PDGFC: variants seen among roughly 807,000 people sequenced by gnomAD.
PDGFC encodes the protein platelet derived growth factor C, also known as platelet-derived growth factor C.
Under a neutral mutation model 35.5 loss-of-function variants are expected in PDGFC, and 12 were observed. The ratio of observed to expected loss-of-function variants is 0.34; its 90% confidence interval spans 0.22 to 0.55. The LOEUF (loss-of-function observed/expected upper bound fraction) is 0.55, where lower values mean the gene tolerates loss of function less well. Among genes scored for constraint, PDGFC ranks in the 20% least tolerant of loss-of-function variants. The probability of loss-of-function intolerance (pLI) is 0.91; values close to 1 mark genes in which losing one functional copy is unlikely to be tolerated. For missense variants in PDGFC, 322 were observed against 412.4 expected (o/e 0.78, Z 1.90); for synonymous variants, 159 against 148.8 (o/e 1.07, Z -0.50).
At chr4:156,855,774 C>G (rs1420964364) in intron 1 of PDGFC, among the ~76,000 whole-genome samples, 3 of 152,136 alleles carry the variant, frequency 2.0e-5, no homozygotes, top group Non-Finnish European at 4.4e-5. Flanking sequence ...ATTTCTGCAT[C>G]TGCTTTCAAT....
intron 3 of PDGFC, among the ~76,000 whole-genome samples, chr4:156,793,798 A>G (rs1044675871): frequency 6.7e-5 from 10 of 149,458 alleles, no homozygotes; most frequent in South Asian, 2.1e-4. Flanking sequence ...AATATATGGC[A>G]GAAATTTTTG....
At chr4:156,783,663 A>G (rs1731039814) in intron 3 of PDGFC, among the ~76,000 whole-genome samples, 1 of 152,098 alleles carries the variant, frequency 6.6e-6, no homozygotes, top group South Asian at 2.1e-4. Context: ...CACTACATCA[A>G]ATTGAAATTG....
At position 156,911,135 on chromosome 4, in the gene PDGFC, A is replaced by C. The variant is rs938525911; in HGVS notation, c.118+59651T>G. On this transcript the variant is annotated intron_variant, in intron 1 of 5. Transcript: ENST00000502773. ...GTTTGCCTAACCCTAGATATTTTCTAAATTTTTATGAGAAGGTTTCATGAG... is the reference window on the plus strand; with the variant it reads ...GTTTGCCTAACCCTAGATATTTTCTCAATTTTTATGAGAAGGTTTCATGAG... Among the ~76,000 whole-genome samples, 4 of 152,158 alleles carry C rather than the reference A, an allele frequency of 2.6e-5. No individual in the cohort carries two copies. In the South Asian group the frequency reaches 8.3e-4, roughly 31 times the overall value.
Position 156,810,990 on chromosome 4 carries a change from G to A in PDGFC, c.342C>T (p.Pro114=), listed in dbSNP as rs1396271791. The change falls in exon 3 of 6, where the codon CCC becomes CCT. Residue 114 remains proline (P), a synonymous_variant. Transcript: ENST00000502773. ...AGCGCCCTAATATAGTTCCATCACT[G>A]GGTTCCTCAACTTCTACAAAATCAT... ...CKYDFVEVEE[P]SDGTILGRWC... is the part of the protein sequence containing the mutation. 8.2e-6 allele frequency: 13 copies of A among 1,586,012 alleles called. No individual in the cohort carries two copies. Among genetic ancestry groups the A allele is most frequent in the Non-Finnish European group, 1.1e-5 (13 of 1,169,024 alleles).
At chr4:156,859,418 T>A (rs1278033886) in intron 1 of PDGFC, among the ~76,000 whole-genome samples, 1 of 152,080 alleles carries the variant, frequency 6.6e-6, no homozygotes, top group Non-Finnish European at 1.5e-5. Context: ...TTAAATAATG[T>A]CAATAAGTGC....
chr4:156,789,976 C>CAA (rs750843965), intron 3 of PDGFC, among the ~76,000 whole-genome samples: 17,465 of 55,368 alleles, frequency 0.32, 2,661 homozygotes, highest in African/African-American at 0.38. Context: ...GTCTCCATCT[C>CAA]AAAAAAAAAA....
At chr4:156,920,231 C>A (rs1244159207) in intron 1 of PDGFC, among the ~76,000 whole-genome samples, 1 of 152,208 alleles carries the variant, frequency 6.6e-6, no homozygotes, top group Non-Finnish European at 1.5e-5. Context: ...TATAGCAACA[C>A]AAAACATACC....
chr4:156,807,448 T>C (rs1345947172), intron 3 of PDGFC, among the ~76,000 whole-genome samples: 4 of 152,036 alleles, frequency 2.6e-5, no homozygotes, highest in African/African-American at 9.7e-5. Flanking sequence ...ATATTTATAA[T>C]AAATATGTAA....
chr4:156,780,659 G>T (rs575089065), intron 3 of PDGFC, among the ~76,000 whole-genome samples: 2 of 152,254 alleles, frequency 1.3e-5, no homozygotes, highest in African/African-American at 4.8e-5. Context: ...AGGGTACAGA[G>T]TTATTTACTT....
chr4:156,885,775 C>T (rs911157137), intron 1 of PDGFC, among the ~76,000 whole-genome samples: 1 of 152,014 alleles, frequency 6.6e-6, no homozygotes, highest in African/African-American at 2.4e-5. Context: ...GCCTGTATTA[C>T]TTAGGAGGCT....
intron 1 of PDGFC, among the ~76,000 whole-genome samples, chr4:156,931,678 A>G (rs1389631115): frequency 1.3e-5 from 2 of 152,138 alleles, no homozygotes; most frequent in Non-Finnish European, 2.9e-5. Context: ...AGCTTCATGA[A>G]ACTTTGGACC....
chr4:156,822,654 T>C (rs1213880522), intron 2 of PDGFC, among the ~76,000 whole-genome samples: 1 of 152,170 alleles, frequency 6.6e-6, no homozygotes. Context: ...ATACCCACAT[T>C]AGACATATGC....
chr4:156,897,403 TCAA>T (rs1730661118), intron 1 of PDGFC, among the ~76,000 whole-genome samples: 1 of 150,112 alleles, frequency 6.7e-6, no homozygotes, highest in East Asian at 2.0e-4. Context: ...TATTTCGAAC[TCAA>T]CACACTTTAG....
At chr4:156,792,712 A>G (rs1731329748) in intron 3 of PDGFC, among the ~76,000 whole-genome samples, 1 of 152,228 alleles carries the variant, frequency 6.6e-6, no homozygotes, top group Non-Finnish European at 1.5e-5. Flanking sequence ...TAAACAATGA[A>G]TAACTGTGGT....
chr4:156,868,035 A>C (rs1190187402), intron 1 of PDGFC, among the ~76,000 whole-genome samples: 1 of 152,054 alleles, frequency 6.6e-6, no homozygotes, highest in Non-Finnish European at 1.5e-5. Context: ...GCACCACCAC[A>C]CCCAGCTGGC....
intron 1 of PDGFC, among the ~76,000 whole-genome samples, chr4:156,961,460 T>C (rs950563548): frequency 3.9e-5 from 6 of 152,162 alleles, no homozygotes; most frequent in Non-Finnish European, 8.8e-5. Flanking sequence ...CTTAAAATAG[T>C]ATCCACTCAT....
chr4:156,774,179 C>T (rs1367111740), intron 3 of PDGFC, among the ~76,000 whole-genome samples: 1 of 152,178 alleles, frequency 6.6e-6, no homozygotes, highest in Non-Finnish European at 1.5e-5. Context: ...CCCTCAAAAA[C>T]TGACCTCTGC....
At chr4:156,881,844 A>G (rs989658288) in intron 1 of PDGFC, among the ~76,000 whole-genome samples, 2 of 150,500 alleles carry the variant, frequency 1.3e-5, no homozygotes, top group Non-Finnish European at 3.0e-5. Context: ...AAAAAAAAAA[A>G]AGCAAGAGTT....
intron 1 of PDGFC, among the ~76,000 whole-genome samples, chr4:156,861,767 T>C (rs779810125): frequency 3.9e-5 from 6 of 152,166 alleles, no homozygotes; most frequent in Non-Finnish European, 7.4e-5. Context: ...TTTATTCCCT[T>C]GACTCTTCAT....
Sources: allele counts gnomAD v4.1 joint callset (sites outside exome capture counted in the v4.1 genomes callset), GRCh38; gene constraint gnomAD v4.1.1; transcripts MANE v1.5; gene names NCBI Gene and HGNC (gene_info 2026-07-23, HGNC 2026-07-21).